Variants in TBL1XR1 observed in about 807,000 individuals in gnomAD.
TBL1XR1 encodes the protein F-box-like/WD repeat-containing protein TBL1XR1.
Under a neutral mutation model 66.9 loss-of-function variants are expected in TBL1XR1, and 5 were observed. The observed-to-expected ratio is 0.07, with a 90% CI of 0.04 to 0.16. The LOEUF (loss-of-function observed/expected upper bound fraction) is 0.16. Ranked by LOEUF, TBL1XR1 falls within the 10% of genes least tolerant of loss-of-function variation. TBL1XR1 has a pLI of 1.00. For synonymous variants in TBL1XR1, 210 were observed against 206.0 expected, an observed-to-expected ratio of 1.02 and a Z score of -0.17; for missense variants, 238 against 623.2, an observed-to-expected ratio of 0.38 and a Z score of 6.58.
At chr3:177,039,610 T>G (rs1444764573) in intron 10 of TBL1XR1, among the ~76,000 whole-genome samples, 1 of 152,192 alleles carries the variant, frequency 6.6e-6, no homozygotes, top group African/African-American at 2.4e-5. Flanking sequence ...CATCCTTGTC[T>G]CCTGCTGCAA....
At chr3:177,106,129 A>G (rs1724855806) in intron 1 of TBL1XR1, among the ~76,000 whole-genome samples, 3 of 152,214 alleles carry the variant, frequency 2.0e-5, no homozygotes, top group Admixed American at 2.0e-4. Context: ...AGGGGCCTAA[A>G]AAGACTTCAA....
chr3:177,162,071 T>C (rs908096958), intron 1 of TBL1XR1, among the ~76,000 whole-genome samples: 1 of 152,234 alleles, frequency 6.6e-6, no homozygotes, highest in African/African-American at 2.4e-5. Context: ...GTTAAACATA[T>C]ATCTACATCC....
chr3:177,078,844 GA>G (rs566006739), intron 2 of TBL1XR1: 9 of 151,840 alleles, frequency 5.9e-5, no homozygotes, highest in African/African-American at 2.2e-4. Context: ...AGCTACTCGG[GA>G]GGCTGAGGCA....
chr3:177,085,677 G>A (rs371067660), intron 2 of TBL1XR1, among the ~76,000 whole-genome samples: 62 of 152,090 alleles, frequency 4.1e-4, no homozygotes, highest in African/African-American at 1.4e-3. Context: ...CAAACACTAT[G>A]ATCTTCCTGA....
intron 1 of TBL1XR1, among the ~76,000 whole-genome samples, chr3:177,157,474 T>A (rs1396494392): frequency 6.6e-6 from 1 of 152,218 alleles, no homozygotes; most frequent in African/African-American, 2.4e-5. Flanking sequence ...ATTCTGAATT[T>A]AACATAAAGA....
intron 1 of TBL1XR1, among the ~76,000 whole-genome samples, chr3:177,174,133 GC>G (rs1733882289): frequency 6.6e-6 from 1 of 152,070 alleles, no homozygotes; most frequent in African/African-American, 2.4e-5. Context: ...ATGATGACAG[GC>G]CGGGTGCGGT....
intron 3 of TBL1XR1, among the ~76,000 whole-genome samples, chr3:177,056,456 C>T (rs1346124541): frequency 6.6e-6 from 1 of 152,134 alleles, no homozygotes; most frequent in Non-Finnish European, 1.5e-5. Flanking sequence ...CAAGGTACTG[C>T]AGATGTACTT....
chr3:177,076,876 T>C (rs1428317223), intron 2 of TBL1XR1, among the ~76,000 whole-genome samples: 2 of 152,252 alleles, frequency 1.3e-5, no homozygotes, highest in Non-Finnish European at 2.9e-5. Context: ...CCCAGCAACT[T>C]GGACCTTGGC....
At chr3:177,195,923 A>G (rs1736794339) in intron 1 of TBL1XR1, among the ~76,000 whole-genome samples, 1 of 152,230 alleles carries the variant, frequency 6.6e-6, no homozygotes. Flanking sequence ...GATTTCAAGT[A>G]AACTCCAGAC....
At chr3:177,041,457 C>T (rs1474766709) in intron 10 of TBL1XR1, among the ~76,000 whole-genome samples, 2 of 152,182 alleles carry the variant, frequency 1.3e-5, no homozygotes, top group African/African-American at 4.8e-5. Flanking sequence ...ATCCTGCTTC[C>T]CATATTTCTT....
chr3:177,081,190 A>G (rs549659036), intron 2 of TBL1XR1, among the ~76,000 whole-genome samples: 5 of 152,236 alleles, frequency 3.3e-5, no homozygotes, highest in South Asian at 4.1e-4. Flanking sequence ...AGAATCATTA[A>G]TAAGATTTCT....
At chr3:177,153,831 C>T (rs950704148) in intron 1 of TBL1XR1, among the ~76,000 whole-genome samples, 1 of 147,304 alleles carries the variant, frequency 6.8e-6, no homozygotes, top group African/African-American at 2.5e-5. Flanking sequence ...GAGCCAAGAT[C>T]GCGCCACTGC....
At chr3:177,148,830 C>A (rs1176391199) in intron 1 of TBL1XR1, among the ~76,000 whole-genome samples, 1 of 151,982 alleles carries the variant, frequency 6.6e-6, no homozygotes, top group Admixed American at 6.6e-5. Flanking sequence ...CATGGAGAAA[C>A]CCTGCCTCTA....
At chr3:177,107,396 T>C (rs1725013244) in intron 1 of TBL1XR1, among the ~76,000 whole-genome samples, 1 of 152,230 alleles carries the variant, frequency 6.6e-6, no homozygotes, top group Non-Finnish European at 1.5e-5. Context: ...TATCAGCAAA[T>C]GCTTTTCCTT....
intron 1 of TBL1XR1, among the ~76,000 whole-genome samples, chr3:177,135,351 A>G (rs1384587459): frequency 0.011 from 182 of 16,756 alleles, 2 homozygotes; most frequent in African/African-American, 0.027. Context: ...ATATATATAT[A>G]TATATATATA....
At chr3:177,025,571 T>A in intron 15 of TBL1XR1, 47 bp from the exon 16 acceptor site, 1 of 1,573,410 alleles carries the variant, frequency 6.4e-7, no homozygotes, top group Non-Finnish European at 8.7e-7. Flanking sequence ...AATTTTATTG[T>A]ACATTTTATG....
chr3:177,171,583 GTCCCAGCTAC>G (rs1733505834), intron 1 of TBL1XR1, among the ~76,000 whole-genome samples: 2 of 147,642 alleles, frequency 1.4e-5, no homozygotes, highest in Non-Finnish European at 3.0e-5. Context: ...GGCGCCTGTA[GTCCCAGCTAC>G]TCGGGAGGCT....
intron 1 of TBL1XR1, among the ~76,000 whole-genome samples, chr3:177,180,383 C>G (rs889837519): frequency 1.6e-5 from 2 of 125,850 alleles, no homozygotes; most frequent in Admixed American, 7.9e-5. Context: ...CCCCCCCCCC[C>G]CATTTAATAG....
At chr3:177,045,483 T>G (rs770935610) in intron 10 of TBL1XR1, among the ~76,000 whole-genome samples, 1 of 152,118 alleles carries the variant, frequency 6.6e-6, no homozygotes, top group African/African-American at 2.4e-5. Context: ...CTGTATATCA[T>G]GAAGGACGGA....
Sources: allele counts gnomAD v4.1 joint callset (sites outside exome capture counted in the v4.1 genomes callset), GRCh38; gene constraint gnomAD v4.1.1; transcripts MANE v1.5; gene names NCBI Gene and HGNC (gene_info 2026-07-23, HGNC 2026-07-21).